Variants in ZNF98 observed in about 807,000 individuals in gnomAD.
ZNF98 encodes the protein zinc finger protein 739.
Under a neutral mutation model 12.8 loss-of-function variants are expected in ZNF98, and 8 were observed. That is an observed-to-expected ratio of 0.63 (90% CI 0.37 to 1.13). The LOEUF is 1.13. Ranked by LOEUF, ZNF98 falls within the 50% of genes most tolerant of loss-of-function variation. The pLI, the probability that ZNF98 is intolerant of heterozygous loss-of-function variation, is 0.01. For missense variants in ZNF98, 379 were observed against 666.1 expected, an observed-to-expected ratio of 0.57 and a Z score of 4.74; for synonymous variants, 112 against 223.5, an observed-to-expected ratio of 0.50 and a Z score of 4.45.
chr19:22,403,909 T>A (rs2145114574), intron 1 of ZNF98, among the ~76,000 whole-genome samples: 1 of 152,348 alleles, frequency 6.6e-6, no homozygotes, highest in African/African-American at 2.4e-5. Flanking sequence ...GGAGATCTTG[T>A]TAATGCAGAT....
At chr19:22,413,425 A>T (rs1372659515) in intron 1 of ZNF98, among the ~76,000 whole-genome samples, 2 of 152,228 alleles carry the variant, frequency 1.3e-5, no homozygotes, top group African/African-American at 4.8e-5. Flanking sequence ...AATTAGTAGC[A>T]TCCCTGTAAA....
At chr19:22,403,963 G>A (rs534886084) in intron 1 of ZNF98, among the ~76,000 whole-genome samples, 2 of 152,378 alleles carry the variant, frequency 1.3e-5, no homozygotes, top group East Asian at 3.9e-4. Flanking sequence ...GCTCACGCCT[G>A]TAATCCCAGC....
intron 1 of ZNF98, among the ~76,000 whole-genome samples, chr19:22,404,513 A>G (rs545463518): frequency 6.6e-6 from 1 of 152,336 alleles, no homozygotes; most frequent in East Asian, 1.9e-4. Context: ...AGAGAAAAAT[A>G]ATGAACTCTA....
Position 22,400,969 on chromosome 19 carries a change from C to A in ZNF98, c.253+1820G>T, listed in dbSNP as rs888769339. Among the ~76,000 whole-genome samples the A allele has an allele frequency of 3.4e-4, 50 of 147,146 alleles. 2 individuals are homozygous for A. Among genetic ancestry groups the A allele is most frequent in the African/African-American group, 8.1e-4 (32 of 39,706 alleles). On this transcript the variant is annotated intron_variant, in intron 3 of 3. Coordinates refer to ENST00000357774, the MANE Select transcript of ZNF98 (RefSeq NM_001098626.2). ...CACTGTCTCAAAAAACAAAACAAAA[C>A]AAAACAAAAAAAAAACAAGAAAAAC...
chr19:22,403,270 A>AC (rs1969480325), intron 2 of ZNF98, 116 bp downstream of exon 2: 1 of 1,190,702 alleles, frequency 8.4e-7, no homozygotes, highest in South Asian at 1.6e-5. Context: ...AAAAAAAAAA[A>AC]CAAAAAAAAA....
intron 1 of ZNF98, among the ~76,000 whole-genome samples, chr19:22,412,589 T>C (rs1015229452): frequency 6.7e-6 from 1 of 148,656 alleles, no homozygotes; most frequent in Non-Finnish European, 1.5e-5. Flanking sequence ...CGGAAGGAGA[T>C]TTTCACATGA....
rs201564628 is a variant in ZNF98, at chr19:22,392,715, T to A, written c.520A>T (p.Ile174Leu). The change falls in exon 4 of 4, where the codon ATA (isoleucine) becomes TTA (leucine). Residue 174 changes from isoleucine to leucine, a missense_variant. By Grantham distance (5) the Ile-to-Leu change is conservative. This residue lies in a region of ZNF98 where 223 missense variants were observed against 261.6 expected (regional missense o/e 0.85). Transcript: ENST00000357774. Reference protein sequence around the residue: ...HKFSNSNRHKIGHTGKKSFKC... With the variant: ...HKFSNSNRHKLGHTGKKSFKC... ...AAAGATTTCTTTCCAGTATGTCCTA[T>A]CTTATGTCTGTTTGAATTTGAAAAT... 1 of 1,604,926 alleles carries A rather than the reference T, an allele frequency of 6.2e-7. No homozygotes were observed. Among genetic ancestry groups the A allele is most frequent in the East Asian group, 2.2e-5 (1 of 44,660 alleles).
At position 22,392,814 on chromosome 19, in the gene ZNF98, C is replaced by T. The variant is rs200437280; in HGVS notation, c.421G>A (p.Gly141Arg). The stretch of plus-strand genomic sequence containing the variant: ...GTAGTTGTCAAACACTGGTTAAGTC[C>T]ATTGTAACATTCTTTGTGCACCTTA... ...ECKVHKECYN[G>R]LNQCLTTTQN... The change falls in exon 4 of 4, where the codon GGA becomes AGA. Residue 141 changes from glycine (G) to arginine (R), a missense_variant. By Grantham distance (125) the Gly-to-Arg change is moderately radical. Transcript: ENST00000357774. 2.8e-3 allele frequency: 4,451 copies of T among 1,612,432 alleles called. 8 individuals are homozygous for T. Among genetic ancestry groups the T allele is most frequent in the Non-Finnish European group, 3.4e-3 (4,050 of 1,179,468 alleles).
intron 1 of ZNF98, among the ~76,000 whole-genome samples, chr19:22,403,731 T>C (rs547656540): frequency 1.3e-5 from 2 of 152,374 alleles, no homozygotes; most frequent in African/African-American, 4.8e-5. Flanking sequence ...GAGGTATAGA[T>C]GATACTTTTT....
chr19:22,403,187 C>T (rs1168801839), intron 2 of ZNF98, among the ~76,000 whole-genome samples, 199 bp downstream of exon 2: 1 of 148,336 alleles, frequency 6.7e-6, no homozygotes, highest in African/African-American at 2.5e-5. Flanking sequence ...CAGATCAGCT[C>T]AGGAGTGTGG....
chr19:22,422,330 C>T lies in ZNF98; in HGVS notation c.-106G>A. ...AAGACGAGACCAGGAACTCCGGCTG[C>T]AGCGAGAGACAAAGACCCCGCCACA... On this transcript the variant is annotated 5_prime_UTR_variant, in exon 1 of 4. Coordinates refer to ENST00000357774, the MANE Select transcript of ZNF98 (RefSeq NM_001098626.2). The T allele has an allele frequency of 2.2e-6, 3 of 1,386,432 alleles. No homozygotes were observed. The highest frequency in any genetic ancestry group is 2.0e-6 in the Non-Finnish European group (2 of 984,464). 85.9% of individuals were successfully genotyped at this position (1,386,432 alleles called of 1,614,324 possible).
intron 1 of ZNF98, among the ~76,000 whole-genome samples, chr19:22,411,565 CA>C (rs1969580686): frequency 1.3e-5 from 2 of 152,060 alleles, no homozygotes; most frequent in Non-Finnish European, 2.9e-5. Flanking sequence ...TTTGCCAAAG[CA>C]AAAACAAAGC....
rs776110862 is a variant in ZNF98, at chr19:22,402,226, T to C, written c.253+563A>G. ...AGAAAAAGAAAATACAATTCTCACA[T>C]AGACTTACAATAAACTTTGAATAGC... On this transcript the variant is annotated intron_variant, in intron 3 of 3. Transcript: ENST00000357774. Among the ~76,000 whole-genome samples the C allele has an allele frequency of 6.7e-5, 8 of 118,582 alleles. No homozygotes were observed. The East Asian group carries it at 7.7e-4, about 11-fold the overall frequency. The allele number at this position is 118,582 out of a possible 152,430, so 77.8% of individuals were successfully genotyped here.
In ZNF98 at chr19:22,392,650, T is replaced by A; in HGVS notation, c.585A>T (p.Ser195=). The A allele has an allele frequency of 6.3e-7, 1 of 1,590,922 alleles. No homozygotes were observed. Among genetic ancestry groups the A allele is most frequent in the Non-Finnish European group, 8.6e-7 (1 of 1,167,236 alleles). ...GAATTCTTTTATGTTGAGCTAAGTG[T>A]GAAAGCATGCAAAATGACTTTTCAC... ...KECEKSFCML[S]HLAQHKRIHS... Residue 195 remains serine (S), a synonymous_variant, in exon 4 of 4, where the codon TCA becomes TCT. Transcript: ENST00000357774.
chr19:22,400,983 A>C, intron 3 of ZNF98, among the ~76,000 whole-genome samples: 1 of 151,610 alleles, frequency 6.6e-6, no homozygotes, highest in Non-Finnish European at 1.5e-5. Flanking sequence ...ACAAAAAAAA[A>C]ACAAGAAAAA....
chr19:22,413,061 AAAAAAT>A (rs1018935010), intron 1 of ZNF98, among the ~76,000 whole-genome samples: 1 of 150,280 alleles, frequency 6.7e-6, no homozygotes, highest in Non-Finnish European at 1.5e-5. Flanking sequence ...TCAAAAAAAT[AAAAAAT>A]AAAAATAAAA....
intron 3 of ZNF98, among the ~76,000 whole-genome samples, chr19:22,397,212 T>TTTGTGTGTG (rs368992859): frequency 0.011 from 1,551 of 145,278 alleles, 27 homozygotes; most frequent in African/African-American, 0.037. Context: ...GTGTGTGTTT[T>TTTGTGTGTG]TGTGTGTGTG....
chr19:22,411,926 CAAGT>C (rs1230276173), intron 1 of ZNF98, among the ~76,000 whole-genome samples: 1 of 151,932 alleles, frequency 6.6e-6, no homozygotes, highest in African/African-American at 2.4e-5. Context: ...ACAAATAAAT[CAAGT>C]TGTTAGAGAC....
At chr19:22,420,266 C>T (rs1157145005) in intron 1 of ZNF98, among the ~76,000 whole-genome samples, 1 of 152,190 alleles carries the variant, frequency 6.6e-6, no homozygotes, top group Non-Finnish European at 1.5e-5. Flanking sequence ...CACTTAAGTG[C>T]TCAGTGACCA....
Sources: allele counts gnomAD v4.1 joint callset (sites outside exome capture counted in the v4.1 genomes callset), GRCh38; gene constraint gnomAD v4.1.1; regional missense constraint gnomAD v4.1.1; transcripts MANE v1.5; gene names NCBI Gene and HGNC (gene_info 2026-07-23, HGNC 2026-07-21).